Variants in SPEG observed in about 807,000 individuals in gnomAD.
SPEG encodes striated muscle enriched protein kinase.
In SPEG, 114 loss-of-function variants were observed where a neutral mutation model predicts 300.4. That is an observed-to-expected ratio of 0.38 (90% confidence interval 0.33 to 0.44). The LOEUF (loss-of-function observed/expected upper bound fraction) is 0.44. SPEG is among the 20% of genes least tolerant of loss of function. The pLI is 1.00. For synonymous variants in SPEG, 1,964 were observed against 2,018.9 expected (o/e 0.97, Z 0.73); for missense variants, 4,201 against 4,586.2 (o/e 0.92, Z 2.43).
intron 13 of SPEG, 114 bp downstream of exon 13, chr2:219,469,493 A>G (rs1249958775): frequency 3.4e-6 from 3 of 877,922 alleles, no homozygotes; most frequent in South Asian, 1.7e-5. Context: ...CTGACCAGGG[A>G]CAGGGTGCCT....
rs751078418 is a variant in SPEG at position 219,480,112 on chromosome 2, A to G, written c.5314A>G (p.Ser1772Gly). Residue 1772 changes from serine to glycine, a missense_variant, in exon 25 of 41, where the codon AGC (serine) becomes GGC (glycine). Physicochemically the swap from Ser to Gly is moderately conservative, Grantham distance 56. Transcript: ENST00000312358. This position sits in a 1 kb window ranked among gnomAD's most constrained non-coding sequence, Gnocchi z 5.3. ...EFVAPEIVNQ[S>G]PVSGVTDIWP... ...TGTAGCACCCGAGATTGTCAATCAG[A>G]GCCCCGTGTCTGGAGTCACTGACAT... 3 of 1,613,860 alleles carry G rather than the reference A, an allele frequency of 1.9e-6. No homozygotes were observed. The South Asian group carries it at 3.3e-5, about 18-fold the overall frequency.
At position 219,492,781 on chromosome 2, in the gene SPEG, C is replaced by T. The variant is rs760486484; in HGVS notation, c.9799C>T (p.Pro3267Ser). The part of the protein sequence containing the change: ...KVLLRSYPGG[P>S] ...GCTGCTGCGCTCCTACCCTGGCGGC[C>T]CCTAGAGGCACGGACCACAGCCAGG... Residue 3267 changes from proline to serine, a missense_variant, in exon 41 of 41, where the codon CCC (proline) becomes TCC (serine). This residue lies in a region of SPEG where 318 missense variants were observed against 429.5 expected (regional missense o/e 0.74). Transcript: ENST00000312358. The T allele has an allele frequency of 7.6e-6, 12 of 1,588,528 alleles. No homozygotes were observed. In the East Asian group the frequency reaches 2.5e-4, roughly 33 times the overall value.
At chr2:219,470,955 G>GTGTATTTGGTACTGTT (rs1477981953) in intron 13 of SPEG, among the ~76,000 whole-genome samples, 2 of 152,176 alleles carry the variant, frequency 1.3e-5, no homozygotes, top group Non-Finnish European at 2.9e-5. Context: ...TACTTACTGT[G>GTGTATTTGGTACTGTT]TGTGAGGTTC....
At chr2:219,469,816 G>A (rs543381656) in intron 13 of SPEG, among the ~76,000 whole-genome samples, 3 of 152,286 alleles carry the variant, frequency 2.0e-5, no homozygotes, top group Admixed American at 6.5e-5. Context: ...TATCATCAGC[G>A]GTGGTACTTC....
At position 219,445,892 on chromosome 2, in the gene SPEG, G is replaced by T. The variant is rs972602807; in HGVS notation, c.815+731G>T. Among the ~76,000 whole-genome samples, 1 of 152,186 alleles carries T rather than the reference G, an allele frequency of 6.6e-6. No individual in the cohort carries two copies. Among genetic ancestry groups the T allele is most frequent in the South Asian group, 2.1e-4 (1 of 4,830 alleles). On this transcript the variant is annotated intron_variant, in intron 3 of 40. Transcript: ENST00000312358. This position sits in a 1 kb window ranked among gnomAD's most constrained non-coding sequence, Gnocchi z 6.1. ...GGTGGGATTCAAGGTTGTCCCAGGA[G>T]GGGGTGTGAGGAGCGGAGGTGTTGG...
In SPEG at chr2:219,439,879, C is replaced by A. The variant is rs935775703; in HGVS notation, c.388+4514C>A. 6.6e-6 allele frequency among the ~76,000 whole-genome samples: 1 copy of A among 152,196 alleles called. No individual in the cohort carries two copies. Among genetic ancestry groups the A allele is most frequent in the Admixed American group, 6.5e-5 (1 of 15,278 alleles). On this transcript the variant is annotated intron_variant, in intron 1 of 40. Transcript: ENST00000312358. This position sits in a 1 kb window ranked among gnomAD's most constrained non-coding sequence, Gnocchi z 4.5. The stretch of plus-strand genomic sequence containing the variant: ...GTTACCCCCTCTCATCACTCAGCTC[C>A]CCATCTGTGAGTGGGTGTGTTTAGG...
chr2:219,487,069 T>G (rs1468528940), intron 31 of SPEG, among the ~76,000 whole-genome samples: 1 of 152,090 alleles, frequency 6.6e-6, no homozygotes, highest in African/African-American at 2.4e-5. Flanking sequence ...CAGCTTTCTC[T>G]TCCCAGGTGA....
In SPEG at chr2:219,477,258, G is replaced by A. The variant is rs375101862; in HGVS notation, c.4561-19G>A. 3.6e-5 allele frequency: 56 copies of A among 1,573,660 alleles called. No homozygotes were observed. The highest frequency in any genetic ancestry group is 4.8e-5 in the Non-Finnish European group (56 of 1,159,608). ...AGATGAGGCCAGGCCCAGGCTGAAGGTGAGACCCCACTCTGCAGGACGAGG... is the reference window on the plus strand; with the variant it reads ...AGATGAGGCCAGGCCCAGGCTGAAGATGAGACCCCACTCTGCAGGACGAGG... On this transcript the variant is annotated intron_variant, in intron 19 of 40. Transcript: ENST00000312358. The surrounding 1 kb of genome is among the most constrained non-coding windows in gnomAD (Gnocchi z 6.4).
At position 219,493,183 on chromosome 2, in the gene SPEG, G is replaced by T. The variant is rs947973975; in HGVS notation, c.*397G>T. 11 of 404,474 alleles carry T rather than the reference G, an allele frequency of 2.7e-5. No individual in the cohort carries two copies. Among genetic ancestry groups the T allele is most frequent in the African/African-American group, 2.1e-4 (10 of 48,516 alleles). The allele number at this position is 404,474 out of a possible 1,614,324, so 25.1% of individuals were successfully genotyped here. On this transcript the variant is annotated 3_prime_UTR_variant, in exon 41 of 41. Transcript: ENST00000312358. Reference sequence around the variant, plus strand: ...GGCTGGAGAGGAGGAAAAGGAAGGAGCCCCAGGTGTCAGGGCAGTAGGCTG... The same window carrying T: ...GGCTGGAGAGGAGGAAAAGGAAGGATCCCCAGGTGTCAGGGCAGTAGGCTG...
chr2:219,481,152 GAGA>G lies in SPEG; in HGVS notation c.5370-151_5370-149del. On this transcript the variant is annotated intron_variant, in intron 26 of 40. Transcript: ENST00000312358. The surrounding 1 kb of genome is among the most constrained non-coding windows in gnomAD (Gnocchi z 5.4). The stretch of plus-strand genomic sequence containing the variant: ...GGGCTGGGGAGGGGACAGGGCAGGA[GAGA>G]GTCCGCAGCCTCACCTCTTACCCAC... 1 of 805,436 alleles carries G rather than the reference GAGA, an allele frequency of 1.2e-6. No individual in the cohort carries two copies. The highest frequency in any genetic ancestry group is 2.0e-6 in the Non-Finnish European group (1 of 504,382). 49.9% of individuals were successfully genotyped at this position (805,436 alleles called of 1,614,324 possible). A position where few individuals can be genotyped will look rare whatever the true frequency, so the allele number is the denominator to read the frequency against.
rs780703376 is a variant in SPEG at position 219,488,177 on chromosome 2, C to G, written c.7742-17C>G. 1 of 1,581,454 alleles carries G rather than the reference C, an allele frequency of 6.3e-7. No individual in the cohort carries two copies. The highest frequency in any genetic ancestry group is 1.1e-5 in the South Asian group (1 of 89,618). On this transcript the variant is annotated splice_polypyrimidine_tract_variant and intron_variant, in intron 31 of 40. Coordinates refer to ENST00000312358, the MANE Select transcript of SPEG (RefSeq NM_005876.5). Reference sequence around the variant, plus strand: ...AGGGTCCCTACAGATAGATGGCTGTCTCTGCTTTTCCTCCAGACTTCCCCC... The same window carrying G: ...AGGGTCCCTACAGATAGATGGCTGTGTCTGCTTTTCCTCCAGACTTCCCCC...
chr2:219,478,040 C>T lies in SPEG; in HGVS notation c.4962C>T (p.His1654=), dbSNP rs1240155807. 18 of 1,614,102 alleles carry T rather than the reference C, an allele frequency of 1.1e-5. No homozygotes were observed. Among genetic ancestry groups the T allele is most frequent in the Admixed American group, 1.7e-5 (1 of 60,012 alleles). Residue 1654 remains histidine (H), a synonymous_variant, in exon 22 of 41, where the codon CAC becomes CAT. Coordinates refer to ENST00000312358, the MANE Select transcript of SPEG (RefSeq NM_005876.5). ...CCCGGCTGCTGGCCAGGCTCCAGCA[C>T]GACTGTGTCCTCTACTTCCATGAGG... ...REARLLARLQ[H]DCVLYFHEAF...
chr2:219,464,116 C>T lies in SPEG; in HGVS notation c.2706-317C>T, dbSNP rs969623456. 8.8e-5 allele frequency among the ~76,000 whole-genome samples: 13 copies of T among 148,368 alleles called. No individual in the cohort carries two copies. The highest frequency in any genetic ancestry group is 3.3e-4 in the African/African-American group (13 of 39,428). On this transcript the variant is annotated intron_variant, in intron 8 of 40. Coordinates refer to ENST00000312358, the MANE Select transcript of SPEG (RefSeq NM_005876.5). This position sits in a 1 kb window ranked among gnomAD's most constrained non-coding sequence, Gnocchi z 4.5. ...CCAGCCTGGGTGACAGAGGGAAACC[C>T]TGTTTAAAAAAAAAAAAAAAAGACA...
At chr2:219,482,361 TC>T (rs1000274725) in intron 28 of SPEG, 7 of 182,678 alleles carry the variant, frequency 3.8e-5, no homozygotes, top group African/African-American at 1.6e-4. Context: ...GAGGGAAGCA[TC>T]CGTCTTGGTC....
intron 40 of SPEG, 149 bp from the exon 41 acceptor site, chr2:219,492,445 G>T: frequency 9.4e-7 from 1 of 1,065,468 alleles, no homozygotes; most frequent in South Asian, 1.5e-5. Context: ...TCCCCATTCC[G>T]GAGACTGGGG....
rs763611660 is a variant in SPEG, at chr2:219,483,373, C to T, written c.5910C>T (p.Pro1970=). Reference sequence around the variant, plus strand: ...CCCCAGAGACTGGGGCTGCCACCCCCATGGACTGGCAGGAGCAGGGAAGGG... The same window carrying T: ...CCCCAGAGACTGGGGCTGCCACCCCTATGGACTGGCAGGAGCAGGGAAGGG... ...LGTPETGAAT[P]MDWQEQGRAP... The change falls in exon 30 of 41, where the codon CCC becomes CCT. Residue 1970 remains proline (P), a synonymous_variant. Coordinates refer to ENST00000312358, the MANE Select transcript of SPEG (RefSeq NM_005876.5). 2 of 1,603,782 alleles carry T rather than the reference C, an allele frequency of 1.2e-6. No homozygotes were observed. The highest frequency in any genetic ancestry group is 1.7e-6 in the Non-Finnish European group (2 of 1,177,150).
At chr2:219,441,114 G>T (rs1688888426) in intron 1 of SPEG, among the ~76,000 whole-genome samples, 1 of 152,316 alleles carries the variant, frequency 6.6e-6, no homozygotes, top group Non-Finnish European at 1.5e-5. Context: ...CTTAGTAACT[G>T]CTAAACAAAC....
At position 219,492,702 on chromosome 2, in the gene SPEG, G is replaced by T; in HGVS notation, c.9720G>T (p.Glu3240Asp). Reference sequence around the variant, plus strand: ...CCTTCACCACCAACCGGCTCAAGGAGTTCCTGGGCGAGCAGCGGCGGCGCC... The same window carrying T: ...CCTTCACCACCAACCGGCTCAAGGATTTCCTGGGCGAGCAGCGGCGGCGCC... ...TLTFTTNRLKEFLGEQRRRRA... is the reference protein window; with the variant it reads ...TLTFTTNRLKDFLGEQRRRRA... The change falls in exon 41 of 41, where the codon GAG (glutamate) becomes GAT (aspartate). Residue 3240 changes from glutamate to aspartate, a missense_variant. Coordinates refer to ENST00000312358, the MANE Select transcript of SPEG (RefSeq NM_005876.5). The T allele has an allele frequency of 6.2e-7, 1 of 1,607,952 alleles. No individual in the cohort carries two copies.
chr2:219,472,691 A>G (rs1691990768), intron 15 of SPEG, among the ~76,000 whole-genome samples, 199 bp from the exon 16 acceptor site: 1 of 152,098 alleles, frequency 6.6e-6, no homozygotes. Flanking sequence ...CTGTGCCTGT[A>G]CTGGTACCTT....
Sources: allele counts gnomAD v4.1 joint callset (sites outside exome capture counted in the v4.1 genomes callset), GRCh38; gene constraint gnomAD v4.1.1; regional missense constraint gnomAD v4.1.1; non-coding constraint Gnocchi (gnomAD v3.1); transcripts MANE v1.5; gene names NCBI Gene and HGNC (gene_info 2026-07-23, HGNC 2026-07-21).